The following DENND5B variants were observed in gnomAD, a reference collection of about 807,000 sequenced individuals.
DENND5B encodes the protein DENN domain-containing protein 5B.
Under a neutral mutation model 140.6 loss-of-function variants are expected in DENND5B, and 34 were observed. That is an observed-to-expected ratio of 0.24 (90% CI 0.18 to 0.32). The LOEUF is 0.32. DENND5B is among the 10% of genes least tolerant of loss of function. The pLI is 1.00. For missense variants in DENND5B, 1,142 were observed against 1,560.2 expected, an observed-to-expected ratio of 0.73 and a Z score of 4.52; for synonymous variants, 551 against 562.1, an observed-to-expected ratio of 0.98 and a Z score of 0.28.
chr12:31,506,071 T>A lies in DENND5B; in HGVS notation c.128-10152A>T, dbSNP rs117061867. Among the ~76,000 whole-genome samples the A allele has an allele frequency of 9.3e-3, 1,418 of 152,202 alleles. 16 individuals carry two copies. The highest frequency in any genetic ancestry group is 0.031 in the East Asian group (161 of 5,172). ...ATGGTCTTGAACCCCTGGGCTCAAG[T>A]GATCTGCCCGCCTCAGCCTCCCAAA... On this transcript the variant is annotated intron_variant, in intron 1 of 20. Transcript: ENST00000389082.
Position 31,424,526 on chromosome 12 carries a change from A to C in DENND5B, c.2391+9T>G. The C allele has an allele frequency of 6.2e-7, 1 of 1,611,620 alleles. No homozygotes were observed. Among genetic ancestry groups the C allele is most frequent in the Non-Finnish European group, 8.5e-7 (1 of 1,179,042 alleles). ...TGGCCATGTCACCAGGACCTCCTAA[A>C]ACTGTTACCTGCTTGACCTGCAAGC... On this transcript the variant is annotated intron_variant, in intron 10 of 20. Coordinates refer to ENST00000389082, the MANE Select transcript of DENND5B (RefSeq NM_144973.4).
At chr12:31,448,069 T>C (rs759681331) in intron 5 of DENND5B, among the ~76,000 whole-genome samples, 1 of 152,120 alleles carries the variant, frequency 6.6e-6, no homozygotes, top group Non-Finnish European at 1.5e-5. Flanking sequence ...TGCTATACAA[T>C]TGTCAATCAT....
intron 4 of DENND5B, among the ~76,000 whole-genome samples, chr12:31,453,315 TGTTTGA>T (rs767815810): frequency 2.6e-5 from 4 of 152,178 alleles, no homozygotes; most frequent in African/African-American, 4.8e-5. Flanking sequence ...TCAGAAGAAA[TGTTTGA>T]GTTTGTTTAC....
chr12:31,520,595 C>G (rs1947838430), intron 1 of DENND5B, among the ~76,000 whole-genome samples: 1 of 152,024 alleles, frequency 6.6e-6, no homozygotes, highest in African/African-American at 2.4e-5. Flanking sequence ...GGCTGGAGTA[C>G]AGTGGTGTGA....
intron 3 of DENND5B, among the ~76,000 whole-genome samples, chr12:31,467,399 G>C (rs921893631): frequency 6.6e-6 from 1 of 151,906 alleles, no homozygotes; most frequent in African/African-American, 2.4e-5. Context: ...CTGAGGCAGA[G>C]GACTGCTTGA....
chr12:31,453,442 T>A (rs547502732), intron 4 of DENND5B, among the ~76,000 whole-genome samples: 1 of 152,352 alleles, frequency 6.6e-6, no homozygotes, highest in East Asian at 1.9e-4. Context: ...CCCTCAGGTA[T>A]CTGTAGTAGA....
intron 2 of DENND5B, among the ~76,000 whole-genome samples, chr12:31,490,097 C>T (rs891309295): frequency 3.3e-5 from 5 of 151,868 alleles, no homozygotes; most frequent in Non-Finnish European, 7.4e-5. Flanking sequence ...GTGATGTGTA[C>T]ATTGTTGGAC....
rs770983656 is a variant in DENND5B at position 31,442,794 on chromosome 12, T to C, written c.1993A>G (p.Thr665Ala). Reference protein sequence around the residue: ...FPKLQSDVLATGPTSNNRWVS... With the variant: ...FPKLQSDVLAAGPTSNNRWVS... ...GCTTACTTGTTACTGGTTGGTCCTG[T>C]TGCCAAGACATCGGACTGTAACTTT... Residue 665 changes from threonine to alanine, a missense_variant, in exon 7 of 21, where the codon ACA becomes GCA. Thr to Ala is a moderately conservative substitution (Grantham distance 58). Coordinates refer to ENST00000389082, the MANE Select transcript of DENND5B (RefSeq NM_144973.4). The C allele has an allele frequency of 2.5e-6, 4 of 1,613,624 alleles. No homozygotes were observed. Among genetic ancestry groups the C allele is most frequent in the Admixed American group, 1.7e-5 (1 of 59,964 alleles).
intron 1 of DENND5B, among the ~76,000 whole-genome samples, chr12:31,503,132 T>G (rs1344597002): frequency 1.3e-5 from 2 of 152,164 alleles, no homozygotes; most frequent in Non-Finnish European, 2.9e-5. Context: ...ACCTCAATAA[T>G]TAAATATATA....
At chr12:31,418,457 T>G (rs925522486) in intron 11 of DENND5B, among the ~76,000 whole-genome samples, 13 of 150,346 alleles carry the variant, frequency 8.6e-5, no homozygotes, top group Non-Finnish European at 7.4e-5. Context: ...TTTTGTGTGT[T>G]TTTTTTTTGT....
intron 9 of DENND5B, among the ~76,000 whole-genome samples, chr12:31,425,359 T>A (rs1042459893): frequency 6.6e-6 from 1 of 152,142 alleles, no homozygotes; most frequent in Non-Finnish European, 1.5e-5. Context: ...ACTGTCAGAA[T>A]ATGGAACCCC....
At chr12:31,481,653 G>A (rs1414735913) in intron 2 of DENND5B, among the ~76,000 whole-genome samples, 1 of 152,228 alleles carries the variant, frequency 6.6e-6, no homozygotes, top group Non-Finnish European at 1.5e-5. Context: ...ACAGGTCAGT[G>A]TGGGTGGGGC....
At chr12:31,412,555 G>C (rs577628812) in intron 13 of DENND5B, among the ~76,000 whole-genome samples, 2 of 152,280 alleles carry the variant, frequency 1.3e-5, no homozygotes, top group Admixed American at 6.5e-5. Context: ...TAATGCTGCT[G>C]ATCTGACAGG....
chr12:31,418,473 C>T (rs1246350694), intron 11 of DENND5B, among the ~76,000 whole-genome samples: 2 of 150,270 alleles, frequency 1.3e-5, no homozygotes, highest in South Asian at 2.1e-4. Context: ...TTTGTAGAGA[C>T]GGGGTTTTGT....
At chr12:31,573,937 C>A (rs1412558625) in intron 1 of DENND5B, among the ~76,000 whole-genome samples, 3 of 149,678 alleles carry the variant, frequency 2.0e-5, no homozygotes, top group African/African-American at 7.4e-5. Context: ...GTGCTCCATT[C>A]TGGGCAACAA....
At chr12:31,544,585 AATAACTATCAAATCTATGAAT>A (rs1948792196) in intron 1 of DENND5B, among the ~76,000 whole-genome samples, 1 of 152,204 alleles carries the variant, frequency 6.6e-6, no homozygotes, top group South Asian at 2.1e-4. Flanking sequence ...ATGCCCAGCC[AATAACTATCAAATCTATGAAT>A]ATGAATAGAG....
At chr12:31,492,655 CCA>C (rs1208480710) in intron 2 of DENND5B, among the ~76,000 whole-genome samples, 1 of 152,174 alleles carries the variant, frequency 6.6e-6, no homozygotes, top group African/African-American at 2.4e-5. Context: ...ATATTCTTAT[CCA>C]GTTTTCCACT....
intron 15 of DENND5B, among the ~76,000 whole-genome samples, chr12:31,400,847 T>TG (rs886142518): frequency 3.3e-3 from 66 of 20,250 alleles, no homozygotes; most frequent in East Asian, 0.018. Flanking sequence ...GTTTTTTTTT[T>TG]TTGTTTTTTT....
At chr12:31,400,837 G>GC (rs1941750810) in intron 15 of DENND5B, among the ~76,000 whole-genome samples, 1 of 113,968 alleles carries the variant, frequency 8.8e-6, no homozygotes, top group Non-Finnish European at 1.8e-5. Flanking sequence ...AGAGCTACGA[G>GC]TTTTTTTTTT....
Sources: gnomAD v4.1 joint callset for allele counts (sites outside exome capture counted in the v4.1 genomes callset) on GRCh38, gnomAD v4.1.1 for gene constraint, MANE v1.5 for transcripts, NCBI Gene and HGNC (gene_info 2026-07-23, HGNC 2026-07-21) for gene names.